GABRA3: variants seen among roughly 807,000 people sequenced by gnomAD.
GABRA3 encodes the protein gamma-aminobutyric acid receptor subunit alpha-3.
GABRA3 carries 10 observed loss-of-function variants against 30.1 expected under a neutral mutation model. That is an observed-to-expected ratio of 0.33 (90% CI 0.20 to 0.56). GABRA3 has a LOEUF of 0.56. Ranked by LOEUF, GABRA3 falls within the 20% of genes least tolerant of loss-of-function variation. GABRA3 has a pLI of 0.89. For missense variants in GABRA3, 233 were observed against 392.0 expected, an observed-to-expected ratio of 0.59 and a Z score of 3.42; for synonymous variants, 151 against 146.8, an observed-to-expected ratio of 1.03 and a Z score of -0.21.
chrX:152,226,355 A>T (rs1162382919), intron 5 of GABRA3, among the ~76,000 whole-genome samples: 3 of 111,777 alleles, frequency 2.7e-5, no homozygotes, highest in Non-Finnish European at 1.9e-5. Context: ...ATTGCTAATA[A>T]CCTATGAGAT....
chrX:152,383,202 C>A (rs1929192416), intron 1 of GABRA3, among the ~76,000 whole-genome samples: 1 of 107,391 alleles, frequency 9.3e-6, no homozygotes, highest in African/African-American at 3.4e-5. Flanking sequence ...CTGGCTAACA[C>A]AATGAAACCC....
intron 3 of GABRA3, among the ~76,000 whole-genome samples, chrX:152,300,117 G>T (rs1440266798): frequency 3.6e-5 from 4 of 112,042 alleles, no homozygotes; most frequent in African/African-American, 1.3e-4. Context: ...CATAGAAAAA[G>T]CTTTGAGAAC....
rs756728196 is a variant in GABRA3 at position 152,248,781 on chromosome X, G to C, written c.551+6997C>G. 6.3e-5 allele frequency among the ~76,000 whole-genome samples: 7 copies of C among 111,729 alleles called. 1 individual carries two copies. The South Asian group carries it at 2.6e-3, about 42-fold the overall frequency. ...TGCATGGTGACTAGCTGACAATAAT[G>C]ACGATATATTGCATTCTTGAAAAAT... On this transcript the variant is annotated intron_variant, in intron 5 of 9. Coordinates refer to ENST00000370314, the MANE Select transcript of GABRA3 (RefSeq NM_000808.4).
At chrX:152,415,712 G>A (rs1440820427) in intron 1 of GABRA3, among the ~76,000 whole-genome samples, 1 of 111,026 alleles carries the variant, frequency 9.0e-6, no homozygotes, top group Non-Finnish European at 1.9e-5. Context: ...ATTCCCATTG[G>A]GTGACTCTAA....
intron 5 of GABRA3, among the ~76,000 whole-genome samples, chrX:152,235,353 T>C (rs1938178436): frequency 9.0e-6 from 1 of 111,601 alleles, no homozygotes; most frequent in Non-Finnish European, 1.9e-5. Flanking sequence ...TTTAGGAGTC[T>C]TTTGGTAGAG....
In GABRA3 at chrX:152,315,802, C is replaced by T. The variant is rs7050378; in HGVS notation, c.262+29779G>A. 7.3e-5 allele frequency among the ~76,000 whole-genome samples: 8 copies of T among 109,963 alleles called. No individual in the cohort carries two copies. In the East Asian group the frequency reaches 1.2e-3, roughly 16 times the overall value. ...CCTCCTGGAAACATGACTCCATTGA[C>T]GTGGGAACCATACCTCCATCCCCCA... On this transcript the variant is annotated intron_variant, in intron 3 of 9. Coordinates refer to ENST00000370314, the MANE Select transcript of GABRA3 (RefSeq NM_000808.4).
rs181027609 is a variant in GABRA3, at chrX:152,419,928, C to A, written c.-27+31218G>T. Reference sequence around the variant, plus strand: ...TCCCATCCTGTGTTGCAAAATAACACGAAGAGTAGGATTTATATAAAGAAT... The same window carrying A: ...TCCCATCCTGTGTTGCAAAATAACAAGAAGAGTAGGATTTATATAAAGAAT... On this transcript the variant is annotated intron_variant, in intron 1 of 9. Transcript: ENST00000370314. 4.3e-3 allele frequency among the ~76,000 whole-genome samples: 476 copies of A among 110,428 alleles called. 2 individuals carry two copies. The highest frequency in any genetic ancestry group is 0.015 in the African/African-American group (462 of 30,435).
In GABRA3 at chrX:152,340,541, T is replaced by C. The variant is rs193294183; in HGVS notation, c.262+5040A>G. On this transcript the variant is annotated intron_variant, in intron 3 of 9. Coordinates refer to ENST00000370314, the MANE Select transcript of GABRA3 (RefSeq NM_000808.4). ...TCTGCTGGTGATGAATCTTTTTAAG[T>C]GTTTATGTGTTTGAAAAAAGTGTTT... 5.4e-3 allele frequency among the ~76,000 whole-genome samples: 606 copies of C among 112,041 alleles called. 10 individuals are homozygous for C. Among genetic ancestry groups the C allele is most frequent in the Non-Finnish European group, 5.5e-3 (295 of 53,202 alleles).
chrX:152,300,236 C>A (rs1939606596), intron 3 of GABRA3, among the ~76,000 whole-genome samples: 1 of 112,157 alleles, frequency 8.9e-6, no homozygotes, highest in African/African-American at 3.2e-5. Flanking sequence ...GAACTATGAA[C>A]TTAGATTAAA....
At chrX:152,318,380 G>A (rs1293959217) in intron 3 of GABRA3, among the ~76,000 whole-genome samples, 1 of 111,487 alleles carries the variant, frequency 9.0e-6, no homozygotes, top group African/African-American at 3.3e-5. Context: ...ATTCACAGCT[G>A]AATTCTATCA....
At chrX:152,340,004 G>T (rs749737484) in intron 3 of GABRA3, among the ~76,000 whole-genome samples, 1 of 111,885 alleles carries the variant, frequency 8.9e-6, no homozygotes, top group Admixed American at 9.5e-5. Context: ...TGGGTGTTTA[G>T]ATGATTTATA....
intron 1 of GABRA3, among the ~76,000 whole-genome samples, chrX:152,430,116 CCCT>C (rs1050375780): frequency 3.8e-4 from 42 of 111,749 alleles, no homozygotes; most frequent in African/African-American, 1.2e-3. Flanking sequence ...AAAAAAATCC[CCCT>C]CTCTCAGCTT....
At position 152,372,000 on chromosome X, in the gene GABRA3, T is replaced by C. The variant is rs1019411025; in HGVS notation, c.-26-7404A>G. Among the ~76,000 whole-genome samples the C allele has an allele frequency of 3.6e-5, 4 of 111,136 alleles. No homozygotes were observed. In the Admixed American group the frequency reaches 3.9e-4, roughly 11 times the overall value. Reference sequence around the variant, plus strand: ...TCAAACTGTCAGCTTATCTTGTTGATTTTGGAACAGACCCAGACTCTGACC... The same window carrying C: ...TCAAACTGTCAGCTTATCTTGTTGACTTTGGAACAGACCCAGACTCTGACC... On this transcript the variant is annotated intron_variant, in intron 1 of 9. Coordinates refer to ENST00000370314, the MANE Select transcript of GABRA3 (RefSeq NM_000808.4).
intron 3 of GABRA3, among the ~76,000 whole-genome samples, chrX:152,286,275 C>T (rs1005655101): frequency 9.3e-6 from 1 of 107,542 alleles, no homozygotes; most frequent in Non-Finnish European, 1.9e-5. Flanking sequence ...GTCAGCCCTA[C>T]TTACCCCCAC....
intron 3 of GABRA3, among the ~76,000 whole-genome samples, chrX:152,328,388 C>A (rs1256692036): frequency 5.4e-5 from 6 of 111,265 alleles, no homozygotes; most frequent in Non-Finnish European, 1.1e-4. Flanking sequence ...CTGGCAGAGA[C>A]ACAACAAAAA....
At chrX:152,219,743 A>G (rs762383748) in intron 6 of GABRA3, among the ~76,000 whole-genome samples, 2 of 111,286 alleles carry the variant, frequency 1.8e-5, no homozygotes, top group Admixed American at 1.9e-4. Context: ...AAAATTTAAT[A>G]TTAGTAAGTC....
At chrX:152,375,806 T>C (rs1222979758) in intron 1 of GABRA3, among the ~76,000 whole-genome samples, 1 of 112,395 alleles carries the variant, frequency 8.9e-6, no homozygotes, top group Admixed American at 9.4e-5. Flanking sequence ...TCCTCTCAAC[T>C]ATTTTAAACC....
chrX:152,174,252 C>T (rs777750452), intron 9 of GABRA3, among the ~76,000 whole-genome samples: 28 of 111,022 alleles, frequency 2.5e-4, no homozygotes, highest in African/African-American at 8.2e-4. Flanking sequence ...AATAAACATA[C>T]GTGTGCATGT....
chrX:152,418,854 C>T (rs564150159), intron 1 of GABRA3, among the ~76,000 whole-genome samples: 122 of 110,968 alleles, frequency 1.1e-3, no homozygotes, highest in East Asian at 3.1e-3. Flanking sequence ...ATGTTTATTG[C>T]GGCACTATTC....
Sources: gnomAD v4.1 joint callset for allele counts (sites outside exome capture counted in the v4.1 genomes callset) on GRCh38, gnomAD v4.1.1 for gene constraint, MANE v1.5 for transcripts, NCBI Gene and HGNC (gene_info 2026-07-23, HGNC 2026-07-21) for gene names.